The following BTRC variants were observed in gnomAD, a reference collection of about 807,000 sequenced individuals.
The protein encoded by BTRC is F-box/WD repeat-containing protein 1A.
A neutral mutation model predicts 85.5 loss-of-function variants in BTRC; 42 were observed. The ratio of observed to expected loss-of-function variants is 0.49; its 90% CI spans 0.38 to 0.64. The LOEUF (loss-of-function observed/expected upper bound fraction) is 0.64. Ranked by LOEUF, BTRC falls within the 30% of genes least tolerant of loss-of-function variation. The pLI, the probability that BTRC is intolerant of heterozygous loss-of-function variation, is 0.00. For synonymous variants in BTRC, 255 were observed against 263.3 expected (o/e 0.97, Z 0.30); for missense variants, 594 against 743.5 (o/e 0.80, Z 2.34).
Position 101,533,041 on chromosome 10 carries a change from C to G in BTRC, c.1068C>G (p.Ile356Met), listed in dbSNP as rs763215998. The change falls in exon 9 of 15, where the codon ATC becomes ATG. Residue 356 changes from isoleucine (I) to methionine (M), a missense_variant. By Grantham distance (10) the Ile-to-Met change is conservative. Transcript: ENST00000370187. ...GTCTCCAGTATGATGAGAGAGTGATCATAACAGGATCATCGGATTCCACGG... is the reference window on the plus strand; with the variant it reads ...GTCTCCAGTATGATGAGAGAGTGATGATAACAGGATCATCGGATTCCACGG... ...VLCLQYDERV[I>M]ITGSSDSTVR... is the part of the protein sequence containing the mutation. 1.9e-6 allele frequency: 3 copies of G among 1,612,702 alleles called. No individual in the cohort carries two copies. The highest frequency in any genetic ancestry group is 2.5e-6 in the Non-Finnish European group (3 of 1,179,110).
At chr10:101,389,394 C>G (rs1461213445) in intron 1 of BTRC, among the ~76,000 whole-genome samples, 1 of 152,006 alleles carries the variant, frequency 6.6e-6, no homozygotes, top group East Asian at 1.9e-4. Flanking sequence ...GCTACTCTCC[C>G]CTTTAAATCT....
intron 3 of BTRC, among the ~76,000 whole-genome samples, chr10:101,464,516 C>G (rs1945317856): frequency 6.6e-6 from 1 of 150,456 alleles, no homozygotes; most frequent in African/African-American, 2.5e-5. Flanking sequence ...CCCCTGCCCA[C>G]TTTAATTTAA....
At chr10:101,501,906 A>G (rs1369996277) in intron 4 of BTRC, among the ~76,000 whole-genome samples, 2 of 152,184 alleles carry the variant, frequency 1.3e-5, no homozygotes, top group Non-Finnish European at 2.9e-5. Context: ...CCCCTGGTGG[A>G]AGTTTGTCCC....
intron 5 of BTRC, 86 bp downstream of exon 5, chr10:101,521,956 C>G (rs1038550966): frequency 1.5e-6 from 1 of 684,580 alleles, no homozygotes; most frequent in African/African-American, 2.7e-5. Flanking sequence ...CTTTAAAAGT[C>G]TTTATTGGCT....
At chr10:101,516,149 G>C (rs943160928) in intron 4 of BTRC, among the ~76,000 whole-genome samples, 5 of 152,280 alleles carry the variant, frequency 3.3e-5, no homozygotes, top group African/African-American at 1.2e-4. Context: ...GAGAGGGAAG[G>C]CTCAGCTCCA....
At chr10:101,428,773 T>A (rs948204457) in intron 1 of BTRC, among the ~76,000 whole-genome samples, 1 of 152,224 alleles carries the variant, frequency 6.6e-6, no homozygotes, top group African/African-American at 2.4e-5. Context: ...AGGATAATAA[T>A]CTAAAATCAG....
At chr10:101,452,709 G>T (rs1349560738) in intron 2 of BTRC, among the ~76,000 whole-genome samples, 1 of 152,140 alleles carries the variant, frequency 6.6e-6, no homozygotes, top group Non-Finnish European at 1.5e-5. Context: ...CTTGGAATTG[G>T]TATATTACTA....
rs755481178 is a variant in BTRC at position 101,549,713 on chromosome 10, C to CAAAAAAAAAAAAAAAAAAAAAAAA, written c.1657-963_1657-962insAAAAAAAAAAAAAAAAAAAAAAAA. Among the ~76,000 whole-genome samples, 33 of 42,762 alleles carry CAAAAAAAAAAAAAAAAAAAAAAAA rather than the reference C, an allele frequency of 7.7e-4. 7 individuals are homozygous for CAAAAAAAAAAAAAAAAAAAAAAAA. The highest frequency in any genetic ancestry group is 3.6e-3 in the African/African-American group (28 of 7,736). The allele number at this position is 42,762 out of a possible 152,430, so 28.1% of individuals were successfully genotyped here. A position where few individuals can be genotyped will look rare whatever the true frequency, so the allele number is the denominator to read the frequency against. Reference sequence around the variant, plus strand: ...GGGGCGAAAGAGCGAGACTCTGTCTCAAAAAAAAAAAAAAAAAAAAAAAGA... The same window carrying CAAAAAAAAAAAAAAAAAAAAAAAA: ...GGGGCGAAAGAGCGAGACTCTGTCTCAAAAAAAAAAAAAAAAAAAAAAAAAAAAAAAAAAAAAAAAAAAAAAAGA... On this transcript the variant is annotated intron_variant, in intron 13 of 14. Transcript: ENST00000370187.
At chr10:101,421,004 A>T (rs577027519) in intron 1 of BTRC, among the ~76,000 whole-genome samples, 19 of 149,538 alleles carry the variant, frequency 1.3e-4, no homozygotes, top group African/African-American at 4.2e-4. Context: ...TACATACTAG[A>T]TAGAGGTTTA....
chr10:101,461,274 A>G (rs927180518), intron 2 of BTRC, among the ~76,000 whole-genome samples: 9 of 152,176 alleles, frequency 5.9e-5, no homozygotes, highest in African/African-American at 2.2e-4. Context: ...CTCAAATAAT[A>G]TGTAATTTGG....
chr10:101,389,206 A>G (rs1172079923), intron 1 of BTRC, among the ~76,000 whole-genome samples: 1 of 139,276 alleles, frequency 7.2e-6, no homozygotes, highest in Non-Finnish European at 1.5e-5. Context: ...TGAAGCCTGA[A>G]ACCTGGAATC....
intron 1 of BTRC, among the ~76,000 whole-genome samples, chr10:101,363,362 C>G (rs1374595184): frequency 6.6e-6 from 1 of 152,176 alleles, no homozygotes; most frequent in Non-Finnish European, 1.5e-5. Context: ...GGCATGTTTC[C>G]TTAATATCTG....
At chr10:101,365,210 A>G (rs954622147) in intron 1 of BTRC, among the ~76,000 whole-genome samples, 2 of 151,320 alleles carry the variant, frequency 1.3e-5, no homozygotes, top group African/African-American at 4.9e-5. Flanking sequence ...AGTAGCTGGG[A>G]TTACAGGCAT....
chr10:101,369,254 C>T (rs559311976), intron 1 of BTRC, among the ~76,000 whole-genome samples: 95 of 151,182 alleles, frequency 6.3e-4, no homozygotes, highest in African/African-American at 2.2e-3. Context: ...TTCTTGCCCT[C>T]TTGTCCAGGC....
At chr10:101,531,767 G>A (rs1254462725) in intron 7 of BTRC, among the ~76,000 whole-genome samples, 1 of 152,032 alleles carries the variant, frequency 6.6e-6, no homozygotes, top group Non-Finnish European at 1.5e-5. Flanking sequence ...AGGCGAGTAG[G>A]GTAGGTAAAA....
At chr10:101,356,997 C>T (rs1217342446) in intron 1 of BTRC, among the ~76,000 whole-genome samples, 1 of 151,600 alleles carries the variant, frequency 6.6e-6, no homozygotes, top group Admixed American at 6.6e-5. Flanking sequence ...GGTGTGGCAG[C>T]GTGCGCCTGT....
At chr10:101,364,731 G>A (rs1409720012) in intron 1 of BTRC, 1 of 151,970 alleles carries the variant, frequency 6.6e-6, no homozygotes, top group African/African-American at 2.4e-5. Context: ...TGAATTATGG[G>A]TAATATTTCA....
In BTRC at chr10:101,476,451, A is replaced by G. The variant is rs78981954; in HGVS notation, c.235-2917A>G. ...TATGGAGAAGCTGGGTGACAAGTAT[A>G]TAGGAAATCTTTACTTTTTCTTTCT... On this transcript the variant is annotated intron_variant, in intron 3 of 14. Transcript: ENST00000370187. Among the ~76,000 whole-genome samples the G allele has an allele frequency of 1.7e-4, 26 of 152,262 alleles. No individual in the cohort carries two copies. The East Asian group carries it at 4.6e-3, about 27-fold the overall frequency.
At chr10:101,426,469 G>T (rs1459160446) in intron 1 of BTRC, among the ~76,000 whole-genome samples, 2 of 152,082 alleles carry the variant, frequency 1.3e-5, no homozygotes, top group Non-Finnish European at 2.9e-5. Flanking sequence ...GCTTTCCTGG[G>T]TGTATGTGGC....
Sources: allele counts gnomAD v4.1 joint callset (sites outside exome capture counted in the v4.1 genomes callset), GRCh38; gene constraint gnomAD v4.1.1; transcripts MANE v1.5; gene names NCBI Gene and HGNC (gene_info 2026-07-23, HGNC 2026-07-21).